The following SH3TC2 variants were observed in gnomAD, a reference collection of about 807,000 sequenced individuals.
The protein encoded by SH3TC2 is SH3 domain and tetratricopeptide repeats 2.
A neutral mutation model predicts 124.5 loss-of-function variants in SH3TC2; 87 were observed. The observed-to-expected ratio is 0.70, with a 90% confidence interval of 0.59 to 0.84. SH3TC2 has a LOEUF of 0.84. Ranked by LOEUF, SH3TC2 falls within the 40% of genes least tolerant of loss-of-function variation. The probability of loss-of-function intolerance (pLI) is 0.00; values close to 1 mark genes in which losing one functional copy is unlikely to be tolerated. For missense variants in SH3TC2, 1,536 were observed against 1,566.4 expected (o/e 0.98, Z 0.33); for synonymous variants, 634 against 628.5 (o/e 1.01, Z -0.13).
intron 12 of SH3TC2, among the ~76,000 whole-genome samples, chr5:149,021,677 C>A (rs991510985): frequency 1.3e-5 from 2 of 151,284 alleles, no homozygotes; most frequent in African/African-American, 4.9e-5. Flanking sequence ...TGGACAAATT[C>A]CAAGAAAGAC....
chr5:149,004,922 G>C lies in SH3TC2; in HGVS notation c.3676-20C>G. On this transcript the variant is annotated intron_variant, in intron 16 of 16. Coordinates refer to ENST00000515425, the MANE Select transcript of SH3TC2 (RefSeq NM_024577.4). ...GGCATCCTAACCCCGTGGTATGGGG[G>C]CAAAGAAGAGACAGCATTAGCAAAC... The C allele has an allele frequency of 6.2e-7, 1 of 1,613,968 alleles. No homozygotes were observed. Among genetic ancestry groups the C allele is most frequent in the Non-Finnish European group, 8.5e-7 (1 of 1,179,898 alleles).
At chr5:149,022,028 C>T (rs113068011) in intron 12 of SH3TC2, among the ~76,000 whole-genome samples, 2 of 40,492 alleles carry the variant, frequency 4.9e-5, no homozygotes, top group Admixed American at 2.5e-4. Context: ...ATTCTCCTGC[C>T]TCACAAACTC....
rs945750985 is a variant in SH3TC2, at chr5:149,008,640, G to A, written c.3478+211C>T. On this transcript the variant is annotated intron_variant, in intron 15 of 16. Transcript: ENST00000515425. ...TGGTCTTCATAACAACTACCATGAG[G>A]TGGGCACTATTTTTAATCCTGATTT... is the stretch of plus-strand genomic sequence containing the variant. The A allele has an allele frequency of 4.1e-5, 26 of 636,106 alleles. 1 individual carries two copies. Among genetic ancestry groups the A allele is most frequent in the South Asian group, 3.5e-4 (19 of 53,794 alleles). The allele number at this position is 636,106 out of a possible 1,614,324, so 39.4% of individuals were successfully genotyped here.
chr5:149,011,635 T>C (rs1215702316), intron 13 of SH3TC2, among the ~76,000 whole-genome samples: 1 of 152,210 alleles, frequency 6.6e-6, no homozygotes, highest in Non-Finnish European at 1.5e-5. Context: ...AACTACGTCA[T>C]GCAAGTGAAG....
chr5:149,048,144 G>A, intron 2 of SH3TC2, 155 bp from the exon 3 acceptor site: 1 of 1,021,442 alleles, frequency 9.8e-7, no homozygotes, highest in Admixed American at 2.0e-5. Flanking sequence ...ACTTCTCGGA[G>A]CACTCCTTTA....
intron 12 of SH3TC2, among the ~76,000 whole-genome samples, chr5:149,016,924 CAAAAAA>C (rs753867645): frequency 2.2e-5 from 2 of 92,962 alleles, no homozygotes; most frequent in Non-Finnish European, 2.2e-5. Flanking sequence ...GACTCCGTCT[CAAAAAA>C]AAAAAAAAAA....
Position 148,989,217 on chromosome 5 carries a change from A to G in SH3TC2, c.*15494T>C, listed in dbSNP as rs1016748267. ...TGGGTTTTAAAAATAGCCATAATCT[A>G]TTAACGACCTATTACATTCCAGCCA... On this transcript the variant is annotated 3_prime_UTR_variant, in exon 17 of 17. Coordinates refer to ENST00000515425, the MANE Select transcript of SH3TC2 (RefSeq NM_024577.4). Among the ~76,000 whole-genome samples, 8 of 152,222 alleles carry G rather than the reference A, an allele frequency of 5.3e-5. No individual in the cohort carries two copies. The highest frequency in any genetic ancestry group is 1.9e-4 in the African/African-American group (8 of 41,450).
intron 2 of SH3TC2, among the ~76,000 whole-genome samples, chr5:149,050,158 T>C (rs1245171085): frequency 6.6e-6 from 1 of 152,204 alleles, no homozygotes; most frequent in Non-Finnish European, 1.5e-5. Context: ...AGACTGCTCT[T>C]GAGATCTCAA....
At chr5:149,044,383 G>A (rs1418753890) in intron 4 of SH3TC2, 150 bp downstream of exon 4, 3 of 652,158 alleles carry the variant, frequency 4.6e-6, no homozygotes, top group Admixed American at 2.5e-5. Flanking sequence ...TTAGTTTGAG[G>A]CACTTTGTGA....
intron 1 of SH3TC2, among the ~76,000 whole-genome samples, chr5:149,058,482 C>T (rs987276479): frequency 2.0e-5 from 3 of 152,052 alleles, no homozygotes; most frequent in Non-Finnish European, 2.9e-5. Context: ...TAGTCATCTA[C>T]ATACTTTTTA....
In SH3TC2 at chr5:149,008,843, C is replaced by T; in HGVS notation, c.3478+8G>A. On this transcript the variant is annotated splice_region_variant and intron_variant, in intron 15 of 16. Transcript: ENST00000515425. The stretch of plus-strand genomic sequence containing the variant: ...CATTCAACACACCCAATAGTGAAGA[C>T]CACCCACCTGTGACTGTGCTGAGCC... 6.2e-7 allele frequency: 1 copy of T among 1,613,950 alleles called. No individual in the cohort carries two copies. Among genetic ancestry groups the T allele is most frequent in the African/African-American group, 1.3e-5 (1 of 75,046 alleles).
At chr5:149,015,732 G>T (rs1433964802) in intron 12 of SH3TC2, among the ~76,000 whole-genome samples, 1 of 152,130 alleles carries the variant, frequency 6.6e-6, no homozygotes, top group Non-Finnish European at 1.5e-5. Context: ...CGCTGCTGGG[G>T]CTTCCCAGGT....
chr5:149,031,728 G>A lies in SH3TC2; in HGVS notation c.1002-41C>T, dbSNP rs368991153. The A allele has an allele frequency of 3.1e-6, 5 of 1,612,210 alleles. No individual in the cohort carries two copies. The African/African-American group carries it at 4.0e-5, about 13-fold the overall frequency. ...AAACACAGAGACAGATTACTGCAAG[G>A]CTTCAGACTCCATCTCCTCTTCTCT... is the stretch of plus-strand genomic sequence containing the variant. On this transcript the variant is annotated intron_variant, in intron 8 of 16. Coordinates refer to ENST00000515425, the MANE Select transcript of SH3TC2 (RefSeq NM_024577.4).
rs188274804 is a variant in SH3TC2 at position 148,983,129 on chromosome 5, T to C, written c.*21582A>G. On this transcript the variant is annotated 3_prime_UTR_variant, in exon 17 of 17. Coordinates refer to ENST00000515425, the MANE Select transcript of SH3TC2 (RefSeq NM_024577.4). ...CACCTTCTGGGATCTAATCTGTGGC[T>C]AGGCTTTACTTAATTTGGCTTAAAG... Among the ~76,000 whole-genome samples the C allele has an allele frequency of 1.1e-3, 165 of 152,340 alleles. No individual in the cohort carries two copies. The highest frequency in any genetic ancestry group is 3.6e-3 in the African/African-American group (148 of 41,588).
At chr5:149,011,994 T>C (rs931463385) in intron 13 of SH3TC2, among the ~76,000 whole-genome samples, 3 of 152,174 alleles carry the variant, frequency 2.0e-5, no homozygotes, top group Non-Finnish European at 4.4e-5. Flanking sequence ...TGCTAAAAGA[T>C]AGAGTTCAGT....
chr5:149,040,825 T>C (rs1754356954), intron 6 of SH3TC2, 148 bp from the exon 7 acceptor site: 1 of 763,542 alleles, frequency 1.3e-6, no homozygotes, highest in South Asian at 1.5e-5. Context: ...GAACTTACTT[T>C]CTACCAGGAC....
At chr5:149,011,164 C>T (rs149338371) in intron 13 of SH3TC2, among the ~76,000 whole-genome samples, 2 of 152,200 alleles carry the variant, frequency 1.3e-5, no homozygotes. Flanking sequence ...ATGGAATTGA[C>T]CCTGCACAAC....
At position 149,028,131 on chromosome 5, in the gene SH3TC2, A is replaced by T; in HGVS notation, c.1601T>A (p.Leu534Gln). 1 of 1,614,108 alleles carries T rather than the reference A, an allele frequency of 6.2e-7. No individual in the cohort carries two copies. The highest frequency in any genetic ancestry group is 8.5e-7 in the Non-Finnish European group (1 of 1,180,014). The change falls in exon 11 of 17, where the codon CTG becomes CAG. Residue 534 changes from leucine to glutamine, a missense_variant. Physicochemically the swap from Leu to Gln is moderately radical, Grantham distance 113. Coordinates refer to ENST00000515425, the MANE Select transcript of SH3TC2 (RefSeq NM_024577.4). ...GACCTTCCTGATGCTCAGCCGGCCC[A>T]GGAGGAAGCAGAGACGGGCATGGGC... ...TWAHARLCFLLGRLSIRKVKL... is the reference protein window; with the variant it reads ...TWAHARLCFLQGRLSIRKVKL...
At chr5:149,012,261 T>G (rs1753795574) in intron 13 of SH3TC2, among the ~76,000 whole-genome samples, 1 of 152,006 alleles carries the variant, frequency 6.6e-6, no homozygotes, top group Non-Finnish European at 1.5e-5. Context: ...AAAGTCAAGG[T>G]GTATGTTGAG....
Sources: gnomAD v4.1 joint callset for allele counts (sites outside exome capture counted in the v4.1 genomes callset) on GRCh38, gnomAD v4.1.1 for gene constraint, MANE v1.5 for transcripts, NCBI Gene and HGNC (gene_info 2026-07-23, HGNC 2026-07-21) for gene names.